The following MEMO1 variants were observed in gnomAD, a reference collection of about 807,000 sequenced individuals.
The protein encoded by MEMO1 is protein MEMO1.
In MEMO1, 6 loss-of-function variants were observed where a neutral mutation model predicts 45.2. The ratio of observed to expected loss-of-function variants is 0.13; its 90% CI spans 0.07 to 0.26. MEMO1 has a LOEUF of 0.26. Among genes scored for constraint, MEMO1 ranks in the 10% least tolerant of loss-of-function variants. MEMO1 has a pLI of 1.00. For missense variants in MEMO1, 184 were observed against 370.5 expected (o/e 0.50, Z 4.13); for synonymous variants, 78 against 124.3 (o/e 0.63, Z 2.48).
chr2:31,931,351 G>A (rs909359379), intron 4 of MEMO1, among the ~76,000 whole-genome samples: 3 of 152,062 alleles, frequency 2.0e-5, no homozygotes, highest in Non-Finnish European at 4.4e-5. Context: ...CTAACAATCA[G>A]TATTTGACAG....
At chr2:31,891,134 C>T (rs972552085) in intron 7 of MEMO1, among the ~76,000 whole-genome samples, 7 of 152,052 alleles carry the variant, frequency 4.6e-5, no homozygotes, top group African/African-American at 1.4e-4. Flanking sequence ...GCTATTCTAG[C>T]GTTGTATCTT....
In MEMO1 at chr2:31,968,305, G is replaced by A. The variant is rs185304229; in HGVS notation, c.62-24922C>T. On this transcript the variant is annotated intron_variant, in intron 2 of 9. Transcript: ENST00000404530. Reference sequence around the variant, plus strand: ...GAATAGGATGCATCTGCAGATCTGAGCTCCTTCTGGCTTCAACTAACACCA... The same window carrying A: ...GAATAGGATGCATCTGCAGATCTGAACTCCTTCTGGCTTCAACTAACACCA... Among the ~76,000 whole-genome samples, 467 of 152,334 alleles carry A rather than the reference G, an allele frequency of 3.1e-3. 1 individual carries two copies. Among genetic ancestry groups the A allele is most frequent in the African/African-American group, 0.011 (441 of 41,578 alleles).
chr2:32,005,921 G>A (rs553283978), intron 2 of MEMO1, among the ~76,000 whole-genome samples: 1 of 152,296 alleles, frequency 6.6e-6, no homozygotes, highest in South Asian at 2.1e-4. Flanking sequence ...ACCAGGGTAG[G>A]TTTCTTGGAG....
chr2:31,915,455 G>A (rs1364233003), intron 6 of MEMO1, among the ~76,000 whole-genome samples: 8 of 151,846 alleles, frequency 5.3e-5, no homozygotes, highest in African/African-American at 2.4e-5. Flanking sequence ...GATCTTATTT[G>A]CTTTGGAAAA....
At chr2:32,010,328 G>A (rs1174827865) in intron 1 of MEMO1, 64 bp from the exon 2 acceptor site, 10 of 836,440 alleles carry the variant, frequency 1.2e-5, no homozygotes, top group Admixed American at 5.0e-5. Flanking sequence ...TCCGCGAGGG[G>A]ACGAGACACC....
intron 2 of MEMO1, among the ~76,000 whole-genome samples, chr2:32,002,320 T>C (rs553816939): frequency 6.9e-6 from 1 of 144,982 alleles, no homozygotes; most frequent in Non-Finnish European, 1.5e-5. Context: ...TACATACACA[T>C]ATATACATAT....
chr2:31,917,889 A>C, intron 6 of MEMO1, 37 bp downstream of exon 6: 1 of 1,378,632 alleles, frequency 7.3e-7, no homozygotes, highest in Non-Finnish European at 1.0e-6. Context: ...ATTAATGTCT[A>C]TGATTTCCTG....
intron 8 of MEMO1, among the ~76,000 whole-genome samples, chr2:31,881,734 G>A (rs1477642583): frequency 2.0e-5 from 3 of 152,050 alleles, no homozygotes; most frequent in Non-Finnish European, 4.4e-5. Context: ...TGTGCCAAGT[G>A]CGGCAGCTCA....
Position 32,003,919 on chromosome 2 carries a change from G to A in MEMO1, c.61+6268C>T, listed in dbSNP as rs117042122. On this transcript the variant is annotated intron_variant, in intron 2 of 9. Transcript: ENST00000404530. ...ATTTTAACAATTAGCCAAGGATGAT[G>A]GCGCACATCTGTAGTTAGCTACTCA... Among the ~76,000 whole-genome samples the A allele has an allele frequency of 1.2e-3, 177 of 152,232 alleles. 1 individual carries two copies. The East Asian group carries it at 0.032, about 28-fold the overall frequency.
intron 6 of MEMO1, among the ~76,000 whole-genome samples, chr2:31,909,000 A>G (rs1177143483): frequency 2.0e-5 from 3 of 152,346 alleles, no homozygotes; most frequent in South Asian, 4.1e-4. Context: ...TCTTACCACT[A>G]CATCAACAGG....
intron 4 of MEMO1, chr2:31,923,862 A>G: frequency 8.5e-7 from 1 of 1,170,026 alleles, no homozygotes; most frequent in Non-Finnish European, 1.2e-6. Flanking sequence ...CTCCAGAAAT[A>G]AACACCAGAG....
intron 2 of MEMO1, chr2:31,963,291 C>T (rs1328037071): frequency 6.6e-7 from 1 of 1,512,774 alleles, no homozygotes; most frequent in Non-Finnish European, 8.9e-7. Flanking sequence ...AACAGATCTA[C>T]AGATAGGGAT....
At chr2:31,953,775 A>G (rs1228954090) in intron 2 of MEMO1, among the ~76,000 whole-genome samples, 1 of 152,128 alleles carries the variant, frequency 6.6e-6, no homozygotes, top group Non-Finnish European at 1.5e-5. Context: ...AGATTTTGAT[A>G]CATATATTCA....
chr2:31,969,345 TATAC>T (rs2148449385), intron 2 of MEMO1, among the ~76,000 whole-genome samples: 1 of 144,610 alleles, frequency 6.9e-6, no homozygotes, highest in South Asian at 2.2e-4. Flanking sequence ...ATATACACAT[TATAC>T]ATATATATGT....
At chr2:31,951,496 A>T (rs1221188719) in intron 2 of MEMO1, among the ~76,000 whole-genome samples, 1 of 151,170 alleles carries the variant, frequency 6.6e-6, no homozygotes, top group Non-Finnish European at 1.5e-5. Flanking sequence ...AGCCTTACCA[A>T]CTACAAAATC....
chr2:31,917,207 A>C (rs574608904), intron 6 of MEMO1, among the ~76,000 whole-genome samples: 56 of 152,212 alleles, frequency 3.7e-4, no homozygotes, highest in Non-Finnish European at 5.9e-4. Context: ...ACTAAATATG[A>C]AATATTAAGT....
intron 2 of MEMO1, among the ~76,000 whole-genome samples, chr2:31,970,016 G>A (rs1669190138): frequency 6.6e-6 from 1 of 151,984 alleles, no homozygotes; most frequent in African/African-American, 2.4e-5. Context: ...CTCTTGCCCA[G>A]GCTGGAGTGC....
chr2:31,999,728 T>C (rs1016529067), intron 2 of MEMO1, among the ~76,000 whole-genome samples: 2 of 152,148 alleles, frequency 1.3e-5, no homozygotes, highest in South Asian at 2.1e-4. Context: ...GTTCACTTCA[T>C]TTCAGCTGCA....
In MEMO1 at chr2:31,918,231, G is replaced by GA. The variant is rs541333206; in HGVS notation, c.326-195dup. Among the ~76,000 whole-genome samples the GA allele has an allele frequency of 1.1e-3, 162 of 151,866 alleles. 1 individual carries two copies. The highest frequency in any genetic ancestry group is 3.9e-3 in the African/African-American group (160 of 41,442). ...GAAGGAGGGAGAGTAAGGAGAAAGAGAAAAAAACAGAACTAGTTTTTATGT... is the reference window on the plus strand; with the variant it reads ...GAAGGAGGGAGAGTAAGGAGAAAGAGAAAAAAAACAGAACTAGTTTTTATGT... On this transcript the variant is annotated intron_variant, in intron 5 of 9. Transcript: ENST00000404530.
Sources: gnomAD v4.1 joint callset for allele counts (sites outside exome capture counted in the v4.1 genomes callset) on GRCh38, gnomAD v4.1.1 for gene constraint, MANE v1.5 for transcripts, NCBI Gene and HGNC (gene_info 2026-07-23, HGNC 2026-07-21) for gene names.